LRFN2: variants seen among roughly 807,000 people sequenced by gnomAD.
The protein encoded by LRFN2 is leucine rich repeat and fibronectin type III domain containing 2, also known as leucine-rich repeat and fibronectin type-III domain-containing protein 2.
A neutral mutation model predicts 37.3 loss-of-function variants in LRFN2; 18 were observed. That is an observed-to-expected ratio of 0.48 (90% confidence interval 0.33 to 0.72). The LOEUF (loss-of-function observed/expected upper bound fraction) is 0.72. Among genes scored for constraint, LRFN2 ranks in the 30% least tolerant of loss-of-function variants. LRFN2 has a pLI of 0.02. For synonymous variants in LRFN2, 556 were observed against 466.6 expected, an observed-to-expected ratio of 1.19 and a Z score of -2.47; for missense variants, 1,006 against 1,060.7, an observed-to-expected ratio of 0.95 and a Z score of 0.72.
chr6:40,393,825 A>G (rs1324903334), intron 2 of LRFN2, among the ~76,000 whole-genome samples: 1 of 152,124 alleles, frequency 6.6e-6, no homozygotes, highest in Admixed American at 6.5e-5. Flanking sequence ...TGGAGAGGCC[A>G]GCACCACCCA....
At chr6:40,541,609 A>G (rs549393847) in intron 1 of LRFN2, among the ~76,000 whole-genome samples, 1 of 152,304 alleles carries the variant, frequency 6.6e-6, no homozygotes, top group South Asian at 2.1e-4. Flanking sequence ...CTGCCCACCC[A>G]GAGAATGAAG....
intron 1 of LRFN2, among the ~76,000 whole-genome samples, chr6:40,554,744 T>G (rs1766836660): frequency 1.3e-5 from 2 of 152,220 alleles, no homozygotes; most frequent in East Asian, 1.9e-4. Flanking sequence ...GATCACCCCC[T>G]TCCTACTTGA....
At chr6:40,480,051 A>G (rs1226229689) in intron 1 of LRFN2, among the ~76,000 whole-genome samples, 1 of 152,232 alleles carries the variant, frequency 6.6e-6, no homozygotes, top group African/African-American at 2.4e-5. Flanking sequence ...AGTAGGAAGG[A>G]TAAAAGTGAA....
intron 1 of LRFN2, among the ~76,000 whole-genome samples, chr6:40,537,624 A>G (rs988939869): frequency 3.9e-5 from 6 of 152,016 alleles, no homozygotes; most frequent in Non-Finnish European, 1.5e-5. Context: ...TCTGGTCCTG[A>G]GCCAAACCTA....
At chr6:40,515,892 CAAAA>C (rs71543993) in intron 1 of LRFN2, among the ~76,000 whole-genome samples, 9 of 91,782 alleles carry the variant, frequency 9.8e-5, no homozygotes, top group South Asian at 3.4e-4. Flanking sequence ...GACTCCATAT[CAAAA>C]AAAAAAAAAA....
intron 1 of LRFN2, among the ~76,000 whole-genome samples, chr6:40,491,060 C>T (rs1444440977): frequency 2.0e-5 from 3 of 152,120 alleles, no homozygotes; most frequent in Non-Finnish European, 4.4e-5. Context: ...GAAGCCATGG[C>T]GGTGGAGATG....
rs138898669 is a variant in LRFN2, at chr6:40,486,309, C to T, written c.-18-53178G>A. On this transcript the variant is annotated intron_variant, in intron 1 of 2. Coordinates refer to ENST00000338305, the MANE Select transcript of LRFN2 (RefSeq NM_020737.3). ...ATCAAGTGGGAATACAACAGCCACC[C>T]AATGAGTAATCTTAGAAGGAACTCA... Among the ~76,000 whole-genome samples, 265 of 152,156 alleles carry T rather than the reference C, an allele frequency of 1.7e-3. 2 individuals carry two copies. The highest frequency in any genetic ancestry group is 5.7e-3 in the African/African-American group (237 of 41,508).
At chr6:40,436,391 G>A (rs1473144094) in intron 1 of LRFN2, among the ~76,000 whole-genome samples, 1 of 152,222 alleles carries the variant, frequency 6.6e-6, no homozygotes, top group Admixed American at 6.5e-5. Context: ...CATGGCAGAG[G>A]TGAGCCATTG....
At chr6:40,478,094 G>T (rs1284355762) in intron 1 of LRFN2, among the ~76,000 whole-genome samples, 1 of 152,138 alleles carries the variant, frequency 6.6e-6, no homozygotes, top group Non-Finnish European at 1.5e-5. Flanking sequence ...GGGATGTAAT[G>T]TCCTGTCCCC....
intron 1 of LRFN2, among the ~76,000 whole-genome samples, chr6:40,523,182 A>G (rs1177806429): frequency 6.6e-6 from 1 of 152,170 alleles, no homozygotes; most frequent in Non-Finnish European, 1.5e-5. Context: ...ATGAGATAAC[A>G]CCTGTGAAGG....
intron 1 of LRFN2, among the ~76,000 whole-genome samples, chr6:40,532,702 C>A (rs933154129): frequency 1.3e-5 from 2 of 152,172 alleles, no homozygotes; most frequent in Non-Finnish European, 2.9e-5. Context: ...CTCCTCCGTG[C>A]ACTTTTTCTG....
intron 1 of LRFN2, among the ~76,000 whole-genome samples, chr6:40,499,089 G>A (rs1028213251): frequency 5.3e-5 from 8 of 152,170 alleles, no homozygotes; most frequent in African/African-American, 1.9e-4. Flanking sequence ...CTTAGAATGA[G>A]GAAGGAGGAG....
At chr6:40,479,865 AAG>A (rs1398349091) in intron 1 of LRFN2, among the ~76,000 whole-genome samples, 1 of 152,228 alleles carries the variant, frequency 6.6e-6, no homozygotes, top group African/African-American at 2.4e-5. Flanking sequence ...TGCCAGCCCT[AAG>A]AATCTGTGCT....
At chr6:40,540,084 G>T (rs1439453939) in intron 1 of LRFN2, among the ~76,000 whole-genome samples, 1 of 152,170 alleles carries the variant, frequency 6.6e-6, no homozygotes, top group Non-Finnish European at 1.5e-5. Flanking sequence ...GTAGTTGAGA[G>T]AACACATGTG....
At chr6:40,535,144 A>G (rs1581783122) in intron 1 of LRFN2, among the ~76,000 whole-genome samples, 1 of 152,198 alleles carries the variant, frequency 6.6e-6, no homozygotes. Context: ...TTTCTATAGC[A>G]TGGGAAGCCT....
intron 1 of LRFN2, among the ~76,000 whole-genome samples, chr6:40,465,462 C>A (rs1048723001): frequency 6.6e-6 from 1 of 152,212 alleles, no homozygotes; most frequent in Non-Finnish European, 1.5e-5. Flanking sequence ...ATATTGGCTT[C>A]TTGCCCTTCC....
chr6:40,556,550 G>T (rs780308412), intron 1 of LRFN2, among the ~76,000 whole-genome samples: 1 of 152,058 alleles, frequency 6.6e-6, no homozygotes, highest in African/African-American at 2.4e-5. Flanking sequence ...AGTCATTCTG[G>T]GGATGCTACA....
rs1228149698 is a variant in LRFN2 at position 40,392,170 on chromosome 6, C to T, written c.2143G>A (p.Glu715Lys). The stretch of plus-strand genomic sequence containing the variant: ...GAGTGGCTGCGTTTGGCCTTGCCCT[C>T]CAACGGCAAGGGGAGCAGGCTCCTG... ...RARSLLPLPL[E>K]GKAKRSHSFD... The change falls in exon 3 of 3, where the codon GAG becomes AAG. Residue 715 changes from glutamate (E) to lysine (K), a missense_variant. Around this residue, in one of 4 missense-constraint regions of LRFN2, gnomAD observed 398 missense variants for 327.6 expected, o/e 1.21. Coordinates refer to ENST00000338305, the MANE Select transcript of LRFN2 (RefSeq NM_020737.3). The surrounding 1 kb of genome is among the most constrained non-coding windows in gnomAD (Gnocchi z 4.7). 6.3e-7 allele frequency: 1 copy of T among 1,599,850 alleles called. No homozygotes were observed. Among genetic ancestry groups the T allele is most frequent in the Non-Finnish European group, 8.5e-7 (1 of 1,172,662 alleles).
chr6:40,457,945 G>T (rs1039790879), intron 1 of LRFN2, among the ~76,000 whole-genome samples: 5 of 152,220 alleles, frequency 3.3e-5, no homozygotes, highest in African/African-American at 1.2e-4. Flanking sequence ...GGGCAGTCCA[G>T]AAGTTGTAGC....
Sources: gnomAD v4.1 joint callset for allele counts (sites outside exome capture counted in the v4.1 genomes callset) on GRCh38, gnomAD v4.1.1 for gene constraint, gnomAD v4.1.1 regional missense constraint, Gnocchi (gnomAD v3.1) non-coding constraint, MANE v1.5 for transcripts, NCBI Gene and HGNC (gene_info 2026-07-23, HGNC 2026-07-21) for gene names.